The following C12orf42 variants were observed in gnomAD, a reference collection of about 807,000 sequenced individuals.
The protein encoded by C12orf42 is chromosome 12 open reading frame 42.
C12orf42 carries 25 observed loss-of-function variants against 21.6 expected under a neutral mutation model. That is an observed-to-expected ratio of 1.16 (90% CI 0.84 to 1.62). The LOEUF (loss-of-function observed/expected upper bound fraction) is 1.62. Among genes scored for constraint, C12orf42 ranks in the 40% most tolerant of loss-of-function variants. The probability of loss-of-function intolerance (pLI) is 0.00; values close to 1 mark genes in which losing one functional copy is unlikely to be tolerated. For missense variants in C12orf42, 483 were observed against 459.3 expected, an observed-to-expected ratio of 1.05 and a Z score of -0.47; for synonymous variants, 174 against 175.0, an observed-to-expected ratio of 0.99 and a Z score of 0.05.
the C12orf42 span, among the ~76,000 whole-genome samples, chr12:103,517,395 C>T: frequency 6.6e-6 from 1 of 152,220 alleles, no homozygotes; most frequent in African/African-American, 2.4e-5. Flanking sequence ...ATACAGTCTG[C>T]AGCCTGGATG....
chr12:103,322,401 G>A (rs2040268422), intron 4 of C12orf42, among the ~76,000 whole-genome samples: 1 of 152,168 alleles, frequency 6.6e-6, no homozygotes, highest in South Asian at 2.1e-4. Context: ...ACCTTTCTGG[G>A]GCAGATGCTG....
the C12orf42 span, among the ~76,000 whole-genome samples, chr12:103,110,275 G>A: frequency 6.6e-6 from 1 of 152,158 alleles, no homozygotes; most frequent in South Asian, 2.1e-4. Context: ...CTTGTCTAAT[G>A]AACAAAGCAA....
intron 4 of C12orf42, among the ~76,000 whole-genome samples, chr12:103,314,656 G>A (rs1015877946): frequency 2.6e-5 from 4 of 152,160 alleles, no homozygotes; most frequent in Admixed American, 6.5e-5. Context: ...TTTGACAGGA[G>A]GAAGAGAAGA....
rs200117821 is a variant in C12orf42 at position 103,360,190 on chromosome 12, T to TAA, written c.259+8695_259+8696dup. On this transcript the variant is annotated intron_variant, in intron 4 of 5. Coordinates refer to ENST00000548883, the MANE Select transcript of C12orf42 (RefSeq NM_198521.5). ...AGACAGTGGATGAAGGGGCAAAACT[T>TAA]AAAAAAAAAAAAAATTAATGGTTCC... Among the ~76,000 whole-genome samples the TAA allele has an allele frequency of 9.1e-5, 13 of 142,252 alleles. No individual in the cohort carries two copies. The South Asian group carries it at 1.6e-3, about 17-fold the overall frequency. 93.3% of individuals were successfully genotyped at this position (142,252 alleles called of 152,430 possible). A position where few individuals can be genotyped will look rare whatever the true frequency, so the allele number is the denominator to read the frequency against.
chr12:103,346,056 A>T (rs377241142), intron 4 of C12orf42, among the ~76,000 whole-genome samples: 1 of 152,200 alleles, frequency 6.6e-6, no homozygotes, highest in East Asian at 1.9e-4. Context: ...AATAATTGAA[A>T]TATCTGCAGC....
Position 103,413,971 on chromosome 12 carries a change from T to G in C12orf42, c.79-12296A>C, listed in dbSNP as rs61270164. On this transcript the variant is annotated intron_variant, in intron 2 of 5. Coordinates refer to ENST00000548883, the MANE Select transcript of C12orf42 (RefSeq NM_198521.5). The stretch of plus-strand genomic sequence containing the variant: ...TGAATTGTGCTGCTATAAACATGCA[T>G]GTGAAAATGTGATTTTCTTTTCTTC... Among the ~76,000 whole-genome samples the G allele has an allele frequency of 1.0e-2, 1,520 of 152,266 alleles. 136 individuals are homozygous for G. In the East Asian group the frequency reaches 0.2, roughly 20 times the overall value.
At chr12:103,464,167 T>G (rs1351460521) in intron 2 of C12orf42, among the ~76,000 whole-genome samples, 1 of 152,204 alleles carries the variant, frequency 6.6e-6, no homozygotes, top group African/African-American at 2.4e-5. Context: ...TCCACAATGG[T>G]TGAACTGATT....
At chr12:103,083,980 C>T in the C12orf42 span, among the ~76,000 whole-genome samples, 3 of 152,158 alleles carry the variant, frequency 2.0e-5, no homozygotes. Context: ...TAGCAGACTG[C>T]TTGGTATAGT....
the C12orf42 span, among the ~76,000 whole-genome samples, chr12:103,053,103 G>A: frequency 6.6e-6 from 1 of 151,884 alleles, no homozygotes; most frequent in Non-Finnish European, 1.5e-5. Context: ...TATTCTACAA[G>A]ATTATCATGA....
the C12orf42 span, among the ~76,000 whole-genome samples, chr12:103,120,479 G>C: frequency 6.6e-6 from 1 of 152,154 alleles, no homozygotes; most frequent in Non-Finnish European, 1.5e-5. Context: ...GCATGCTAGA[G>C]GTAAGAATGC....
the C12orf42 span, among the ~76,000 whole-genome samples, chr12:103,541,939 C>G: frequency 6.6e-6 from 1 of 152,184 alleles, no homozygotes; most frequent in Admixed American, 6.5e-5. Flanking sequence ...TCCACCACAG[C>G]TCACCAGTCA....
At chr12:103,147,629 T>TTTTA in the C12orf42 span, among the ~76,000 whole-genome samples, 1 of 146,154 alleles carries the variant, frequency 6.8e-6, no homozygotes, top group African/African-American at 2.5e-5. Context: ...CTCTCTTTTT[T>TTTTA]TTTTTTTTTT....
At chr12:103,167,906 GTGTGTGTT>G in the C12orf42 span, 8,056 of 287,410 alleles carry the variant, frequency 0.028, 243 homozygotes, top group East Asian at 0.073. Context: ...GTGTGTGTGT[GTGTGTGTT>G]TGTGTCTGTG....
chr12:103,497,663 A>G (rs1275398629), upstream of C12orf42, among the ~76,000 whole-genome samples: 1 of 152,214 alleles, frequency 6.6e-6, no homozygotes, highest in Non-Finnish European at 1.5e-5. Flanking sequence ...TTGAGTACCT[A>G]TCACGTGTCA....
At chr12:103,199,782 T>A in the C12orf42 span, among the ~76,000 whole-genome samples, 1 of 152,162 alleles carries the variant, frequency 6.6e-6, no homozygotes, top group Non-Finnish European at 1.5e-5. Flanking sequence ...AACTCACACC[T>A]GTTAGGATGG....
chr12:103,283,463 CT>C (rs576414433), intron 4 of C12orf42, among the ~76,000 whole-genome samples: 304 of 152,292 alleles, frequency 2.0e-3, no homozygotes, highest in Non-Finnish European at 3.4e-3. Context: ...AATAAAAATC[CT>C]TAACAAGGTG....
At chr12:103,533,050 T>C in the C12orf42 span, among the ~76,000 whole-genome samples, 327 of 152,342 alleles carry the variant, frequency 2.1e-3, no homozygotes, top group South Asian at 3.5e-3. Context: ...TTCAGACTCA[T>C]TCCACCAGCA....
chr12:103,179,576 T>A, the C12orf42 span, among the ~76,000 whole-genome samples: 1 of 152,120 alleles, frequency 6.6e-6, no homozygotes, highest in African/African-American at 2.4e-5. Context: ...GAAAAAAGAA[T>A]AGTGGATTAT....
At chr12:103,410,674 G>T (rs1239926928) in intron 2 of C12orf42, among the ~76,000 whole-genome samples, 4 of 152,196 alleles carry the variant, frequency 2.6e-5, no homozygotes, top group Admixed American at 2.6e-4. Flanking sequence ...CTTTATTCCA[G>T]CAAGAATAGC....
Sources: allele counts gnomAD v4.1 joint callset (sites outside exome capture counted in the v4.1 genomes callset), GRCh38; gene constraint gnomAD v4.1.1; transcripts MANE v1.5; gene names NCBI Gene and HGNC (gene_info 2026-07-23, HGNC 2026-07-21).